MYH13: variants seen among roughly 807,000 people sequenced by gnomAD.
MYH13 encodes the protein myosin-13.
A neutral mutation model predicts 232.1 loss-of-function variants in MYH13; 177 were observed. The ratio of observed to expected loss-of-function variants is 0.76; its 90% CI spans 0.67 to 0.86. The LOEUF is 0.86. MYH13 is among the 40% of genes least tolerant of loss of function. The pLI, the probability that MYH13 is intolerant of heterozygous loss-of-function variation, is 0.00. For missense variants in MYH13, 2,246 were observed against 2,405.9 expected, an observed-to-expected ratio of 0.93 and a Z score of 1.39; for synonymous variants, 884 against 923.5, an observed-to-expected ratio of 0.96 and a Z score of 0.78.
At chr17:10,301,845 C>T (rs998834039) in intron 39 of MYH13, 142 bp from the exon 40 acceptor site, 5 of 1,180,730 alleles carry the variant, frequency 4.2e-6, no homozygotes, top group Non-Finnish European at 5.8e-6. Context: ...AAGCTTTCTC[C>T]AGCGTGTGAG....
At chr17:10,366,381 G>GTTTGTTTTTTTGTTTTTTTT (rs2071837334) in intron 2 of MYH13, among the ~76,000 whole-genome samples, 3 of 112,640 alleles carry the variant, frequency 2.7e-5, no homozygotes, top group African/African-American at 9.7e-5. Flanking sequence ...AAATAAATCT[G>GTTTGTTTTTTTGTTTTTTTT]TTTTTTTTTT....
chr17:10,327,018 T>C (rs1300878586), intron 22 of MYH13, among the ~76,000 whole-genome samples: 2 of 34,822 alleles, frequency 5.7e-5, no homozygotes, highest in African/African-American at 9.1e-5. Context: ...TTTTTTTTTT[T>C]TGAGACGGAG....
chr17:10,322,641 T>G (rs1342815175), intron 23 of MYH13, among the ~76,000 whole-genome samples: 2 of 147,768 alleles, frequency 1.4e-5, no homozygotes. Flanking sequence ...TTTTTTTTTT[T>G]TTTTTTTTTT....
At position 10,315,315 on chromosome 17, in the gene MYH13, T is replaced by C. The variant is rs903847506; in HGVS notation, c.3984+378A>G. Among the ~76,000 whole-genome samples, 3 of 152,294 alleles carry C rather than the reference T, an allele frequency of 2.0e-5. No homozygotes were observed. The South Asian group carries it at 6.2e-4, about 32-fold the overall frequency. On this transcript the variant is annotated intron_variant, in intron 29 of 40. Transcript: ENST00000252172. ...CAGGTTTCTTTCTTTCTTTCTTTAA[T>C]GGAGTCTCGCTCTGTCTTCCAGGCT...
chr17:10,351,446 A>C (rs2142265394), intron 11 of MYH13, among the ~76,000 whole-genome samples: 1 of 152,174 alleles, frequency 6.6e-6, no homozygotes, highest in East Asian at 1.9e-4. Context: ...ATGGAATATT[A>C]GATCTGGAAG....
intron 5 of MYH13, 93 bp from the exon 6 acceptor site, chr17:10,360,281 T>C (rs2277647): frequency 0.021 from 29,188 of 1,410,688 alleles, 767 homozygotes; most frequent in South Asian, 0.1. Context: ...GAACATAGGC[T>C]CTAGTTAATG....
intron 38 of MYH13, 45 bp downstream of exon 38, chr17:10,303,349 C>A: frequency 6.2e-7 from 1 of 1,612,368 alleles, no homozygotes; most frequent in East Asian, 2.2e-5. Flanking sequence ...TCTGATGGGG[C>A]TTGGTCCATA....
intron 18 of MYH13, among the ~76,000 whole-genome samples, chr17:10,337,010 T>C (rs1156607556): frequency 6.6e-6 from 1 of 151,566 alleles, no homozygotes; most frequent in Non-Finnish European, 1.5e-5. Flanking sequence ...CACCGCCTCC[T>C]GGGTACAAGC....
chr17:10,365,792 A>C (rs1301371366), intron 2 of MYH13, among the ~76,000 whole-genome samples: 1 of 151,508 alleles, frequency 6.6e-6, no homozygotes, highest in African/African-American at 2.4e-5. Flanking sequence ...TCAGGGTGTG[A>C]CAAATATTGT....
chr17:10,350,223 A>G (rs1315181752), intron 12 of MYH13, among the ~76,000 whole-genome samples: 1 of 152,192 alleles, frequency 6.6e-6, no homozygotes, highest in African/African-American at 2.4e-5. Flanking sequence ...ATTCTGGTGG[A>G]GAGAAGAGAA....
chr17:10,301,804 C>T (rs1352892487), intron 39 of MYH13, 101 bp from the exon 40 acceptor site: 9 of 1,435,028 alleles, frequency 6.3e-6, no homozygotes, highest in Non-Finnish European at 8.4e-6. Context: ...CAACCAGGGC[C>T]CTGGATTCCC....
intron 18 of MYH13, among the ~76,000 whole-genome samples, chr17:10,338,702 T>TGTTG (rs1555550858): frequency 3.7e-4 from 53 of 142,426 alleles, no homozygotes; most frequent in Non-Finnish European, 6.8e-4. Context: ...TTTTTTTTTT[T>TGTTG]TTTGTTTGTT....
At chr17:10,321,811 C>G (rs1053135412) in intron 23 of MYH13, 103 bp from the exon 24 acceptor site, 2 of 1,074,138 alleles carry the variant, frequency 1.9e-6, no homozygotes, top group African/African-American at 3.2e-5. Context: ...TTTCCCTTTT[C>G]TTTTTGGCTA....
chr17:10,343,732 A>C (rs2071637039), intron 16 of MYH13, 68 bp downstream of exon 16: 2 of 1,462,252 alleles, frequency 1.4e-6, no homozygotes. Flanking sequence ...GGTTCTTCAC[A>C]AGCAGCTCTG....
intron 19 of MYH13, among the ~76,000 whole-genome samples, chr17:10,332,562 G>A (rs1318070299): frequency 6.6e-6 from 1 of 152,190 alleles, no homozygotes; most frequent in Non-Finnish European, 1.5e-5. Context: ...CCTACTTCTG[G>A]AAGGTCCTCT....
rs189033084 is a variant in MYH13, at chr17:10,353,973, G to A, written c.1005+707C>T. Among the ~76,000 whole-genome samples, 387 of 133,756 alleles carry A rather than the reference G, an allele frequency of 2.9e-3. 1 individual carries two copies. The highest frequency in any genetic ancestry group is 9.6e-3 in the African/African-American group (372 of 38,912). 87.7% of individuals were successfully genotyped at this position (133,756 alleles called of 152,430 possible). ...GAAGGAAGGAAGGAAGGAAGGGAAA[G>A]ACTCTGTCATTGACGAATTGTGTCT... is the stretch of plus-strand genomic sequence containing the variant. On this transcript the variant is annotated intron_variant, in intron 11 of 40. Coordinates refer to ENST00000252172, the MANE Select transcript of MYH13 (RefSeq NM_003802.3).
At chr17:10,311,253 C>A in intron 32 of MYH13, 26 bp from the exon 33 acceptor site, 1 of 1,613,036 alleles carries the variant, frequency 6.2e-7, no homozygotes, top group Non-Finnish European at 8.5e-7. Context: ...TTGATTTAGG[C>A]TGTTTCAACA....
chr17:10,329,708 C>T (rs72814754), intron 21 of MYH13, among the ~76,000 whole-genome samples: 31,060 of 152,206 alleles, frequency 0.2, 3,520 homozygotes, highest in East Asian at 0.51. Flanking sequence ...GTCAGCTGGG[C>T]GCAGTGGCTT....
chr17:10,320,621 T>G (rs1906906875), intron 24 of MYH13, 125 bp from the exon 25 acceptor site: 1 of 1,056,986 alleles, frequency 9.5e-7, no homozygotes, highest in Non-Finnish European at 1.3e-6. Context: ...GCTGCAAGCC[T>G]CTGGCCCCAG....
Sources: allele counts gnomAD v4.1 joint callset (sites outside exome capture counted in the v4.1 genomes callset), GRCh38; gene constraint gnomAD v4.1.1; transcripts MANE v1.5; gene names NCBI Gene and HGNC (gene_info 2026-07-23, HGNC 2026-07-21).